The following DOP1A variants were observed in gnomAD, a reference collection of about 807,000 sequenced individuals.
DOP1A encodes the protein protein DOP1A.
In DOP1A, 90 loss-of-function variants were observed where a neutral mutation model predicts 267.6. That is an observed-to-expected ratio of 0.34 (90% CI 0.28 to 0.40). DOP1A has a LOEUF of 0.40. DOP1A is among the 10% of genes least tolerant of loss of function. DOP1A has a pLI of 1.00. For missense variants in DOP1A, 2,437 were observed against 2,900.4 expected (o/e 0.84, Z 3.67); for synonymous variants, 932 against 999.1 (o/e 0.93, Z 1.27).
chr6:83,142,071 T>C, intron 24 of DOP1A, 25 bp downstream of exon 24: 1 of 1,606,746 alleles, frequency 6.2e-7, no homozygotes, highest in Admixed American at 1.7e-5. Flanking sequence ...ATTTGGCACT[T>C]TTTGTTTTTG....
At chr6:83,152,238 T>C (rs1781835990) in intron 29 of DOP1A, 50 bp from the exon 30 acceptor site, 2 of 1,121,040 alleles carry the variant, frequency 1.8e-6, no homozygotes, top group East Asian at 5.3e-5. Flanking sequence ...ACACATAAAA[T>C]TTATTTTCAG....
intron 1 of DOP1A, among the ~76,000 whole-genome samples, chr6:83,089,067 T>C (rs1446479876): frequency 6.6e-6 from 1 of 152,216 alleles, no homozygotes; most frequent in Non-Finnish European, 1.5e-5. Flanking sequence ...CTAGAAACAC[T>C]TAGTCCCCAG....
chr6:83,118,672 T>C (rs1294470886), intron 7 of DOP1A, among the ~76,000 whole-genome samples: 3 of 152,178 alleles, frequency 2.0e-5, no homozygotes, highest in Admixed American at 6.5e-5. Flanking sequence ...ATAATTAAGT[T>C]ATAGTTTCAG....
At chr6:83,158,488 A>T in intron 35 of DOP1A, 79 bp from the exon 36 acceptor site, 1 of 1,130,236 alleles carries the variant, frequency 8.8e-7, no homozygotes, top group Non-Finnish European at 1.3e-6. Flanking sequence ...TTTTGCGTTA[A>T]TGAAAATACA....
intron 1 of DOP1A, among the ~76,000 whole-genome samples, chr6:83,070,926 A>G (rs577705547): frequency 2.0e-5 from 3 of 152,322 alleles, no homozygotes; most frequent in South Asian, 2.1e-4. Flanking sequence ...CTTTATATCA[A>G]TGTGATTATT....
intron 1 of DOP1A, among the ~76,000 whole-genome samples, chr6:83,091,545 C>T (rs976357782): frequency 6.6e-6 from 1 of 152,006 alleles, no homozygotes; most frequent in Non-Finnish European, 1.5e-5. Flanking sequence ...GCTGTAGATG[C>T]ATACAAGAGT....
rs765251790 is a variant in DOP1A, at chr6:83,130,357, G to T, written c.2576G>T (p.Gly859Val). The change falls in exon 17 of 39, where the codon GGC becomes GTC. Residue 859 changes from glycine to valine, a missense_variant. This residue lies in a region of DOP1A where 878 missense variants were observed against 992.9 expected (regional missense o/e 0.88). Coordinates refer to ENST00000349129, the MANE Select transcript of DOP1A (RefSeq NM_015018.4). ...AVVIRPPLTQ[G>V]NLRYIAEKTE... ...GTTATTAGACCTCCCCTCACTCAGG[G>T]CAATCTGAGGTACATAGCTGAGAAG... The T allele has an allele frequency of 1.2e-4, 198 of 1,613,854 alleles. No individual in the cohort carries two copies. Among genetic ancestry groups the T allele is most frequent in the Non-Finnish European group, 1.7e-4 (195 of 1,179,938 alleles).
Position 83,130,232 on chromosome 6 carries a change from G to A in DOP1A, c.2451G>A (p.Leu817=), listed in dbSNP as rs552426525. The change falls in exon 17 of 39, where the codon CTG becomes CTA. Residue 817 remains leucine, a synonymous_variant. Coordinates refer to ENST00000349129, the MANE Select transcript of DOP1A (RefSeq NM_015018.4). ...QSVAISLVMD[L]VGLTQSVAMV... ...TTGCTATTTCACTAGTTATGGACCT[G>A]GTGGGACTGACACAGTCTGTGGCCA... The A allele has an allele frequency of 3.7e-6, 6 of 1,614,018 alleles. No homozygotes were observed. In the South Asian group the frequency reaches 6.6e-5, roughly 18 times the overall value.
At chr6:83,162,163 A>G (rs1784380290) in intron 37 of DOP1A, among the ~76,000 whole-genome samples, 1 of 152,182 alleles carries the variant, frequency 6.6e-6, no homozygotes, top group African/African-American at 2.4e-5. Context: ...AGCTGACAAC[A>G]TTGATGAATC....
intron 15 of DOP1A, among the ~76,000 whole-genome samples, chr6:83,127,123 A>G (rs977028737): frequency 1.3e-5 from 2 of 152,184 alleles, no homozygotes; most frequent in Non-Finnish European, 2.9e-5. Flanking sequence ...AGGTTCACAT[A>G]GTGATGTTAC....
At chr6:83,162,168 T>C (rs1308315285) in intron 37 of DOP1A, among the ~76,000 whole-genome samples, 1 of 152,186 alleles carries the variant, frequency 6.6e-6, no homozygotes, top group African/African-American at 2.4e-5. Flanking sequence ...ACAACATTGA[T>C]GAATCCTATG....
chr6:83,157,214 G>A lies in DOP1A; in HGVS notation c.6637G>A (p.Val2213Met). ...GGTTGAGAGTCTCCGTTTGCCACAG[G>A]TGCCAACTCTCCATTCTCAAGTGTT... Reference protein sequence around the residue: ...RLVESLRLPQVPTLHSQVFLF... With the variant: ...RLVESLRLPQMPTLHSQVFLF... The change falls in exon 35 of 39, where the codon GTG becomes ATG. Residue 2213 changes from valine (V) to methionine (M), a missense_variant. Transcript: ENST00000349129. 1 of 1,613,900 alleles carries A rather than the reference G, an allele frequency of 6.2e-7. No homozygotes were observed. Among genetic ancestry groups the A allele is most frequent in the Non-Finnish European group, 8.5e-7 (1 of 1,179,954 alleles).
rs775677129 is a variant in DOP1A at position 83,129,463 on chromosome 6, G to C, written c.2296G>C (p.Glu766Gln). ...ECSSFPVYIAEGNHTSELRSE... is the reference protein window; with the variant it reads ...ECSSFPVYIAQGNHTSELRSE... ...CTCAAGTTTCCCAGTTTACATTGCT[G>C]AGGGGAACCATACATCAGAGTTACG... Residue 766 changes from glutamate to glutamine, a missense_variant, in exon 16 of 39, where the codon GAG becomes CAG. Glu to Gln is a conservative substitution (Grantham distance 29). This residue lies in a region of DOP1A where 11 missense variants were observed against 30.0 expected (regional missense o/e 0.37). Coordinates refer to ENST00000349129, the MANE Select transcript of DOP1A (RefSeq NM_015018.4). The C allele has an allele frequency of 1.3e-6, 2 of 1,570,624 alleles. No homozygotes were observed. Among genetic ancestry groups the C allele is most frequent in the Admixed American group, 4.1e-5 (2 of 49,118 alleles).
chr6:83,075,140 C>T (rs1766857224), intron 1 of DOP1A, among the ~76,000 whole-genome samples: 1 of 152,150 alleles, frequency 6.6e-6, no homozygotes, highest in Admixed American at 6.5e-5. Context: ...TGCCTTGCTT[C>T]TTTTAGTTAA....
Position 83,097,038 on chromosome 6 carries a change from A to G in DOP1A, c.61A>G (p.Ile21Val), listed in dbSNP as rs1352400923. The G allele has an allele frequency of 2.5e-6, 4 of 1,614,126 alleles. No individual in the cohort carries two copies. The South Asian group carries it at 4.4e-5, about 18-fold the overall frequency. ...DSKYRNYVAAIDKALKNFEYS... is the reference protein window; with the variant it reads ...DSKYRNYVAAVDKALKNFEYS... ...CAAATACAGAAACTATGTAGCAGCAATTGACAAAGCACTAAAGAATTTTGA... is the reference window on the plus strand; with the variant it reads ...CAAATACAGAAACTATGTAGCAGCAGTTGACAAAGCACTAAAGAATTTTGA... The change falls in exon 3 of 39, where the codon ATT becomes GTT. Residue 21 changes from isoleucine (I) to valine (V), a missense_variant. This residue lies in a region of DOP1A where 251 missense variants were observed against 359.1 expected (regional missense o/e 0.70). Transcript: ENST00000349129.
chr6:83,169,309 G>T (rs375523747), downstream of DOP1A: 99 of 1,612,872 alleles, frequency 6.1e-5, no homozygotes, highest in Non-Finnish European at 8.1e-5. Context: ...CATGTGCAAG[G>T]TGATCTGCAC....
intron 1 of DOP1A, among the ~76,000 whole-genome samples, chr6:83,080,108 ATT>A (rs59369396): frequency 6.6e-6 from 1 of 151,846 alleles, no homozygotes; most frequent in African/African-American, 2.4e-5. Context: ...TCTTAGGCTG[ATT>A]TTTTTTCCCC....
intron 4 of DOP1A, 28 bp downstream of exon 4, chr6:83,100,914 A>G: frequency 7.8e-7 from 1 of 1,287,810 alleles, no homozygotes; most frequent in South Asian, 2.4e-5. Context: ...ATATATATAC[A>G]AATAATATAA....
At chr6:83,092,158 G>A (rs1207170135) in intron 1 of DOP1A, among the ~76,000 whole-genome samples, 1 of 152,130 alleles carries the variant, frequency 6.6e-6, no homozygotes, top group African/African-American at 2.4e-5. Context: ...TATGCTGTGT[G>A]TGTGTGTTTA....
Sources: gnomAD v4.1 joint callset for allele counts (sites outside exome capture counted in the v4.1 genomes callset) on GRCh38, gnomAD v4.1.1 for gene constraint, gnomAD v4.1.1 regional missense constraint, MANE v1.5 for transcripts, NCBI Gene and HGNC (gene_info 2026-07-23, HGNC 2026-07-21) for gene names.